The following MIPOL1 variants were observed in gnomAD, a reference collection of about 807,000 sequenced individuals.
The protein encoded by MIPOL1 is mirror-image polydactyly gene 1 protein.
A neutral mutation model predicts 60.9 loss-of-function variants in MIPOL1; 57 were observed. The ratio of observed to expected loss-of-function variants is 0.94; its 90% CI spans 0.76 to 1.17. The LOEUF (loss-of-function observed/expected upper bound fraction) is 1.17, where lower values mean the gene tolerates loss of function less well. Ranked by LOEUF, MIPOL1 falls within the 50% of genes most tolerant of loss-of-function variation. The pLI is 0.00. For synonymous variants in MIPOL1, 179 were observed against 168.8 expected, an observed-to-expected ratio of 1.06 and a Z score of -0.47; for missense variants, 551 against 511.6, an observed-to-expected ratio of 1.08 and a Z score of -0.74.
chr14:37,519,886 C>G (rs941079926), intron 12 of MIPOL1, among the ~76,000 whole-genome samples: 2 of 152,034 alleles, frequency 1.3e-5, no homozygotes, highest in African/African-American at 2.4e-5. Context: ...ATATGGTGTC[C>G]ATAAACCTTA....
At chr14:37,304,797 T>G (rs1006106038) in intron 7 of MIPOL1, among the ~76,000 whole-genome samples, 1 of 151,792 alleles carries the variant, frequency 6.6e-6, no homozygotes, top group Non-Finnish European at 1.5e-5. Context: ...AGGAAATCAA[T>G]TGAAACTTGA....
chr14:37,419,205 GAATCTCAA>G (rs1185138495), intron 10 of MIPOL1, among the ~76,000 whole-genome samples: 2 of 152,056 alleles, frequency 1.3e-5, no homozygotes, highest in African/African-American at 4.8e-5. Flanking sequence ...TAATATGGAT[GAATCTCAA>G]AAAATTATGT....
rs73252054 is a variant in MIPOL1, at chr14:37,237,438, T to G, written c.-198-9665T>G. Among the ~76,000 whole-genome samples the G allele has an allele frequency of 5.7e-4, 86 of 151,150 alleles. 1 individual carries two copies. The highest frequency in any genetic ancestry group is 1.9e-3 in the African/African-American group (80 of 41,070). On this transcript the variant is annotated intron_variant, in intron 1 of 12. Transcript: ENST00000684589. ...AAGATGACTTTTTCTTGATTTGATG[T>G]TTTTTTTTGGTTGCTGTAAACCTTT...
chr14:37,363,246 A>G (rs2092345785), intron 9 of MIPOL1, among the ~76,000 whole-genome samples: 1 of 152,060 alleles, frequency 6.6e-6, no homozygotes. Context: ...ATCTTTATGT[A>G]TTTATCTACC....
intron 7 of MIPOL1, among the ~76,000 whole-genome samples, chr14:37,292,286 G>A (rs768991616): frequency 6.6e-6 from 1 of 151,738 alleles, no homozygotes; most frequent in Non-Finnish European, 1.5e-5. Context: ...ATCATAGCAC[G>A]TTGGTTGATG....
chr14:37,466,530 G>A (rs1215594037), intron 11 of MIPOL1, among the ~76,000 whole-genome samples: 1 of 152,106 alleles, frequency 6.6e-6, no homozygotes, highest in African/African-American at 2.4e-5. Context: ...TTTGGACAGG[G>A]GGGCAGTTTA....
rs149840155 is a variant in MIPOL1, at chr14:37,518,837, T to G, written c.1262+18699T>G. ...AAGAAACAAGCAAATGCTCACAGAT[T>G]TAATGGGGGTTATATAGAAAGGACA... is the stretch of plus-strand genomic sequence containing the variant. On this transcript the variant is annotated intron_variant, in intron 12 of 12. Coordinates refer to ENST00000684589, the MANE Select transcript of MIPOL1 (RefSeq NM_001388067.1). Among the ~76,000 whole-genome samples the G allele has an allele frequency of 1.7e-3, 256 of 152,130 alleles. 8 individuals carry two copies. The East Asian group carries it at 0.046, about 28-fold the overall frequency.
In MIPOL1 at chr14:37,497,348, C is replaced by T. The variant is rs192809913; in HGVS notation, c.1032-2560C>T. Among the ~76,000 whole-genome samples, 11 of 152,322 alleles carry T rather than the reference C, an allele frequency of 7.2e-5. No individual in the cohort carries two copies. In the East Asian group the frequency reaches 2.1e-3, roughly 29 times the overall value. ...ATTGGTTACGGTATACTGGTTACTGCTTTAGGCATGATAGGCAAATGCTGA... is the reference window on the plus strand; with the variant it reads ...ATTGGTTACGGTATACTGGTTACTGTTTTAGGCATGATAGGCAAATGCTGA... On this transcript the variant is annotated intron_variant, in intron 11 of 12. Coordinates refer to ENST00000684589, the MANE Select transcript of MIPOL1 (RefSeq NM_001388067.1).
intron 1 of MIPOL1, among the ~76,000 whole-genome samples, chr14:37,233,551 C>A (rs926070956): frequency 2.0e-5 from 3 of 152,148 alleles, no homozygotes; most frequent in African/African-American, 7.2e-5. Context: ...TCAGTGCGGT[C>A]ATTTTTACAT....
intron 6 of MIPOL1, among the ~76,000 whole-genome samples, chr14:37,283,117 G>A (rs540955954): frequency 1.4e-4 from 22 of 152,180 alleles, no homozygotes; most frequent in Admixed American, 5.9e-4. Context: ...CCAGGTTGGA[G>A]TGCAATAGCG....
intron 3 of MIPOL1, among the ~76,000 whole-genome samples, chr14:37,254,222 A>G (rs1974555433): frequency 6.6e-6 from 1 of 151,774 alleles, no homozygotes; most frequent in African/African-American, 2.4e-5. Flanking sequence ...TAAGTTTATT[A>G]AATACGATTC....
intron 11 of MIPOL1, among the ~76,000 whole-genome samples, chr14:37,470,893 A>T (rs577639457): frequency 1.8e-4 from 28 of 152,320 alleles, no homozygotes; most frequent in African/African-American, 6.7e-4. Context: ...AGATACTTGT[A>T]AAGTGTCTTT....
intron 6 of MIPOL1, among the ~76,000 whole-genome samples, chr14:37,272,780 C>CATATAA (rs1487712266): frequency 8.6e-5 from 13 of 151,446 alleles, no homozygotes; most frequent in Admixed American, 4.0e-4. Context: ...GTTATAAGCA[C>CATATAA]GCACACATAC....
intron 9 of MIPOL1, among the ~76,000 whole-genome samples, chr14:37,367,115 A>G (rs2092497288): frequency 6.6e-6 from 1 of 152,050 alleles, no homozygotes; most frequent in Non-Finnish European, 1.5e-5. Context: ...CTATTTTATG[A>G]AATTATAGAG....
At position 37,456,283 on chromosome 14, in the gene MIPOL1, C is replaced by T. The variant is rs140643534; in HGVS notation, c.1031+33334C>T. 2.2e-3 allele frequency among the ~76,000 whole-genome samples: 332 copies of T among 152,092 alleles called. 1 individual carries two copies. The Middle Eastern group carries it at 0.031, about 14-fold the overall frequency. The stretch of plus-strand genomic sequence containing the variant: ...TCTTGAATAGTTAACAAGTCAGATA[C>T]ATATTCCTCAACCTAAATAAATGTT... On this transcript the variant is annotated intron_variant, in intron 11 of 12. Transcript: ENST00000684589.
chr14:37,489,897 G>T (rs1335065121), intron 11 of MIPOL1, among the ~76,000 whole-genome samples: 1 of 152,158 alleles, frequency 6.6e-6, no homozygotes, highest in Admixed American at 6.5e-5. Context: ...GCCCCTACTT[G>T]GAGGTGTCTC....
At position 37,499,720 on chromosome 14, in the gene MIPOL1, A is replaced by G. The variant is rs550071370; in HGVS notation, c.1032-188A>G. On this transcript the variant is annotated intron_variant, in intron 11 of 12. Coordinates refer to ENST00000684589, the MANE Select transcript of MIPOL1 (RefSeq NM_001388067.1). ...TGGTAGCATAATCATTTGTCTGGGT[A>G]GCTTTCAGCCTAGAAGCAGAGAAAT... Among the ~76,000 whole-genome samples, 9 of 152,306 alleles carry G rather than the reference A, an allele frequency of 5.9e-5. No individual in the cohort carries two copies. In the South Asian group the frequency reaches 1.7e-3, roughly 28 times the overall value.
chr14:37,448,847 G>C (rs1321839622), intron 11 of MIPOL1, among the ~76,000 whole-genome samples: 1 of 152,158 alleles, frequency 6.6e-6, no homozygotes, highest in Non-Finnish European at 1.5e-5. Context: ...TCATATGTAT[G>C]GAGGTCACTC....
At chr14:37,511,871 C>T (rs2095330543) in intron 12 of MIPOL1, among the ~76,000 whole-genome samples, 1 of 152,022 alleles carries the variant, frequency 6.6e-6, no homozygotes. Flanking sequence ...GAGTTATATA[C>T]TGTAACTATA....
Sources: gnomAD v4.1 joint callset for allele counts (sites outside exome capture counted in the v4.1 genomes callset) on GRCh38, gnomAD v4.1.1 for gene constraint, MANE v1.5 for transcripts, NCBI Gene and HGNC (gene_info 2026-07-23, HGNC 2026-07-21) for gene names.